The following USP32 variants were observed in gnomAD, a reference collection of about 807,000 sequenced individuals.
USP32 encodes ubiquitin carboxyl-terminal hydrolase 32.
Under a neutral mutation model 204.8 loss-of-function variants are expected in USP32, and 59 were observed. The observed-to-expected ratio is 0.29, with a 90% confidence interval of 0.23 to 0.36. The LOEUF is 0.36. Among genes scored for constraint, USP32 ranks in the 10% least tolerant of loss-of-function variants. The pLI, the probability that USP32 is intolerant of heterozygous loss-of-function variation, is 1.00. For missense variants in USP32, 1,160 were observed against 1,946.4 expected (o/e 0.60, Z 7.60); for synonymous variants, 517 against 678.4 (o/e 0.76, Z 3.70).
At chr17:60,298,285 C>T (rs1298958964) in intron 3 of USP32, among the ~76,000 whole-genome samples, 1 of 152,156 alleles carries the variant, frequency 6.6e-6, no homozygotes, top group Non-Finnish European at 1.5e-5. Flanking sequence ...TCTATTCTCC[C>T]TTGCACAGTA....
intron 12 of USP32, chr17:60,231,691 A>C (rs780172827): frequency 2.2e-6 from 1 of 444,722 alleles, no homozygotes; most frequent in South Asian, 1.6e-5. Context: ...GTTACGTGAT[A>C]ACTAAATAGG....
At chr17:60,309,343 A>T (rs1005339416) in intron 2 of USP32, among the ~76,000 whole-genome samples, 1 of 152,146 alleles carries the variant, frequency 6.6e-6, no homozygotes, top group Non-Finnish European at 1.5e-5. Context: ...TAAATGGGGA[A>T]ATTCCCAGCA....
chr17:60,219,958 A>G (rs554889429), intron 15 of USP32, among the ~76,000 whole-genome samples, 171 bp from the exon 16 acceptor site: 8 of 151,774 alleles, frequency 5.3e-5, no homozygotes, highest in Middle Eastern at 3.4e-3. Context: ...GATTACTGTT[A>G]AAATTCCTGC....
At chr17:60,364,099 T>A (rs2089266777) in intron 1 of USP32, among the ~76,000 whole-genome samples, 1 of 152,172 alleles carries the variant, frequency 6.6e-6, no homozygotes, top group South Asian at 2.1e-4. Flanking sequence ...AAGATCAAAG[T>A]ACCAGCAGAT....
intron 1 of USP32, among the ~76,000 whole-genome samples, chr17:60,373,331 C>CCT (rs1251637852): frequency 1.3e-5 from 2 of 152,062 alleles, no homozygotes; most frequent in Non-Finnish European, 2.9e-5. Flanking sequence ...AAGTCCTAGC[C>CCT]CTAGGACATT....
intron 32 of USP32, among the ~76,000 whole-genome samples, chr17:60,181,029 C>A (rs1365737398): frequency 2.0e-5 from 3 of 151,956 alleles, no homozygotes; most frequent in East Asian, 1.9e-4. Flanking sequence ...ACCACAGGCA[C>A]ATGCCACCAT....
At chr17:60,244,892 A>G (rs539021597) in intron 11 of USP32, among the ~76,000 whole-genome samples, 1 of 152,364 alleles carries the variant, frequency 6.6e-6, no homozygotes, top group South Asian at 2.1e-4. Context: ...TTGGCCTCCC[A>G]AAGAGCTGGG....
At chr17:60,210,716 A>G (rs1384541679) in intron 21 of USP32, among the ~76,000 whole-genome samples, 2 of 152,290 alleles carry the variant, frequency 1.3e-5, no homozygotes, top group Non-Finnish European at 2.9e-5. Flanking sequence ...AATACTGCTA[A>G]TAGTGAAGTA....
At chr17:60,293,445 C>T (rs557658197) in intron 4 of USP32, among the ~76,000 whole-genome samples, 1 of 152,236 alleles carries the variant, frequency 6.6e-6, no homozygotes, top group East Asian at 1.9e-4. Context: ...CAAATCATAG[C>T]TCAGTTCGTC....
At chr17:60,418,405 T>TTTG (rs2090079256) in intron 1 of USP32, among the ~76,000 whole-genome samples, 1 of 150,180 alleles carries the variant, frequency 6.7e-6, no homozygotes, top group African/African-American at 2.5e-5. Flanking sequence ...TGTTTTTTTT[T>TTTG]TTTTTTTTTT....
intron 4 of USP32, 119 bp from the exon 5 acceptor site, chr17:60,288,801 G>A (rs754415410): frequency 9.5e-5 from 76 of 800,508 alleles, no homozygotes; most frequent in Non-Finnish European, 1.4e-4. Context: ...TACAAAGGAA[G>A]GATTATCTAA....
At chr17:60,383,637 A>C (rs1455883064) in intron 1 of USP32, among the ~76,000 whole-genome samples, 1 of 152,244 alleles carries the variant, frequency 6.6e-6, no homozygotes, top group East Asian at 1.9e-4. Flanking sequence ...AGCTGTGGCC[A>C]TCAGATATGA....
chr17:60,241,553 T>C (rs1361633881), intron 11 of USP32, among the ~76,000 whole-genome samples: 3 of 152,198 alleles, frequency 2.0e-5, no homozygotes, highest in Non-Finnish European at 4.4e-5. Flanking sequence ...AATGTTTCTG[T>C]GGAGAGACAG....
chr17:60,348,840 G>C (rs2088852854), intron 1 of USP32, among the ~76,000 whole-genome samples: 2 of 151,880 alleles, frequency 1.3e-5, no homozygotes, highest in Admixed American at 1.3e-4. Flanking sequence ...GTGGTAGGAA[G>C]GGGGGGTTCA....
At chr17:60,243,067 ACTT>A (rs1444358186) in intron 11 of USP32, among the ~76,000 whole-genome samples, 1 of 152,206 alleles carries the variant, frequency 6.6e-6, no homozygotes, top group Non-Finnish European at 1.5e-5. Context: ...CAAGTCTTGC[ACTT>A]CTTTTGTTGA....
intron 1 of USP32, among the ~76,000 whole-genome samples, chr17:60,345,956 T>C (rs977540624): frequency 2.0e-5 from 3 of 151,572 alleles, no homozygotes; most frequent in African/African-American, 4.9e-5. Context: ...CACTCCAGCA[T>C]GGACAACAGA....
chr17:60,313,300 T>G (rs1275580615), intron 2 of USP32, among the ~76,000 whole-genome samples: 1 of 152,106 alleles, frequency 6.6e-6, no homozygotes, highest in Non-Finnish European at 1.5e-5. Flanking sequence ...TGTTCCTATA[T>G]GTGTGTGTTT....
chr17:60,313,104 AGCCAGT>A, intron 2 of USP32, among the ~76,000 whole-genome samples: 1 of 152,178 alleles, frequency 6.6e-6, no homozygotes, highest in Admixed American at 6.5e-5. Context: ...TACAAAAATT[AGCCAGT>A]CATGGTGGCA....
rs1175857229 is a variant in USP32, at chr17:60,205,590, T to C, written c.3106A>G (p.Ile1036Val). 1.3e-5 allele frequency: 21 copies of C among 1,613,832 alleles called. No individual in the cohort carries two copies. The highest frequency in any genetic ancestry group is 1.6e-4 in the Middle Eastern group (1 of 6,078). ...LTTNGDLPRP[I>V]FIPNGMPNTV... is the part of the protein sequence containing the mutation. Reference sequence around the variant, plus strand: ...TTTGGCATTCCATTGGGGATGAATATTGGTCGGGGTAGGTCCCCATTGGTA... The same window carrying C: ...TTTGGCATTCCATTGGGGATGAATACTGGTCGGGGTAGGTCCCCATTGGTA... The change falls in exon 26 of 34, where the codon ATA becomes GTA. Residue 1036 changes from isoleucine (I) to valine (V), a missense_variant. Transcript: ENST00000300896.
Sources: allele counts gnomAD v4.1 joint callset (sites outside exome capture counted in the v4.1 genomes callset), GRCh38; gene constraint gnomAD v4.1.1; transcripts MANE v1.5; gene names NCBI Gene and HGNC (gene_info 2026-07-23, HGNC 2026-07-21).